PDE1C: variants seen among roughly 807,000 people sequenced by gnomAD.
PDE1C encodes the protein dual specificity calcium/calmodulin-dependent 3',5'-cyclic nucleotide phosphodiesterase 1C.
Under a neutral mutation model 93.1 loss-of-function variants are expected in PDE1C, and 62 were observed. That is an observed-to-expected ratio of 0.67 (90% CI 0.54 to 0.82). PDE1C has a LOEUF of 0.82. PDE1C is among the 40% of genes least tolerant of loss of function. The pLI is 0.00. For missense variants in PDE1C, 742 were observed against 884.6 expected (o/e 0.84, Z 2.04); for synonymous variants, 325 against 310.1 (o/e 1.05, Z -0.50).
chr7:31,787,149 T>C (rs979530258), intron 16 of PDE1C: 1 of 152,214 alleles, frequency 6.6e-6, no homozygotes, highest in Non-Finnish European at 1.5e-5. Flanking sequence ...TCTAAAGGCA[T>C]GGTTCCAAGT....
intron 1 of PDE1C, among the ~76,000 whole-genome samples, chr7:32,068,300 T>G (rs959057775): frequency 2.6e-5 from 4 of 152,210 alleles, no homozygotes; most frequent in Non-Finnish European, 5.9e-5. Flanking sequence ...TTATTCCAAG[T>G]TGTGGACTGC....
intron 2 of PDE1C, among the ~76,000 whole-genome samples, chr7:31,904,553 T>A (rs909837667): frequency 6.6e-6 from 1 of 151,960 alleles, no homozygotes; most frequent in Non-Finnish European, 1.5e-5. Flanking sequence ...AGTATTACTC[T>A]ACTGATCCCT....
At chr7:32,295,868 C>A in intron 1 of PDE1C, among the ~76,000 whole-genome samples, 1 of 136,878 alleles carries the variant, frequency 7.3e-6, no homozygotes, top group African/African-American at 2.8e-5. Context: ...CACTCCAGCC[C>A]GGGTGAGAGA....
the PDE1C span, among the ~76,000 whole-genome samples, chr7:31,671,662 C>T: frequency 6.6e-6 from 1 of 152,148 alleles, no homozygotes; most frequent in Non-Finnish European, 1.5e-5. Flanking sequence ...GGGACCCTGT[C>T]TCAGGCCCTC....
chr7:32,098,161 C>T (rs892412549), intron 3 of PDE1C, among the ~76,000 whole-genome samples: 2 of 134,134 alleles, frequency 1.5e-5, no homozygotes, highest in Non-Finnish European at 3.1e-5. Context: ...ACCCGGGAGG[C>T]GGAGCTTGCA....
At chr7:31,907,607 T>C (rs1043130631) in intron 2 of PDE1C, among the ~76,000 whole-genome samples, 2 of 152,202 alleles carry the variant, frequency 1.3e-5, no homozygotes, top group African/African-American at 4.8e-5. Flanking sequence ...ATTTCATTCT[T>C]TGTTGAAAGC....
intron 7 of PDE1C, among the ~76,000 whole-genome samples, chr7:31,859,167 CTA>C (rs1182053873): frequency 1.3e-5 from 2 of 148,684 alleles, no homozygotes; most frequent in Non-Finnish European, 3.0e-5. Context: ...TGACTATTGA[CTA>C]TGTACATTTA....
chr7:32,345,237 T>C (rs189604608), intron 1 of PDE1C, among the ~76,000 whole-genome samples: 2 of 152,314 alleles, frequency 1.3e-5, no homozygotes, highest in Non-Finnish European at 2.9e-5. Context: ...GCAATGCCCA[T>C]GAGCCCCTTC....
At chr7:32,105,701 C>CTTTTTTT (rs11313586) in intron 3 of PDE1C, among the ~76,000 whole-genome samples, 3 of 134,028 alleles carry the variant, frequency 2.2e-5, no homozygotes, top group African/African-American at 5.4e-5. Flanking sequence ...CCACATCTGA[C>CTTTTTTT]TTTTTTTTTT....
intron 1 of PDE1C, among the ~76,000 whole-genome samples, chr7:32,266,237 G>A (rs971156810): frequency 7.3e-5 from 11 of 151,360 alleles, no homozygotes; most frequent in Non-Finnish European, 1.2e-4. Flanking sequence ...AGCCGAGATC[G>A]CGCCACTGCA....
intron 1 of PDE1C, among the ~76,000 whole-genome samples, chr7:32,284,176 G>A (rs1426851735): frequency 6.6e-6 from 1 of 152,204 alleles, no homozygotes; most frequent in Admixed American, 6.5e-5. Flanking sequence ...CAGCAAGCCA[G>A]AGAATCAATT....
chr7:31,679,287 A>T, the PDE1C span, among the ~76,000 whole-genome samples: 1 of 152,164 alleles, frequency 6.6e-6, no homozygotes, highest in Non-Finnish European at 1.5e-5. Flanking sequence ...AAGGCAAGAG[A>T]GTTTCCCACT....
chr7:31,973,632 G>C (rs1402546001), intron 2 of PDE1C, among the ~76,000 whole-genome samples: 1 of 152,180 alleles, frequency 6.6e-6, no homozygotes, highest in African/African-American at 2.4e-5. Context: ...TTCCTATGAA[G>C]TAGTTATTAT....
chr7:32,206,574 A>G (rs1051944144), intron 2 of PDE1C, among the ~76,000 whole-genome samples: 9 of 152,248 alleles, frequency 5.9e-5, no homozygotes, highest in South Asian at 4.2e-4. Context: ...GCTCCTCACC[A>G]AGTTGAGGCC....
intron 2 of PDE1C, among the ~76,000 whole-genome samples, chr7:32,183,337 T>C (rs374170427): frequency 9.2e-5 from 14 of 152,196 alleles, no homozygotes; most frequent in South Asian, 4.1e-4. Context: ...GAGCCCGCAT[T>C]GCCAAGTCAA....
At chr7:31,970,331 AC>A (rs1464992709) in intron 2 of PDE1C, among the ~76,000 whole-genome samples, 1 of 152,144 alleles carries the variant, frequency 6.6e-6, no homozygotes, top group African/African-American at 2.4e-5. Context: ...CCCAATATCT[AC>A]TAAATTCTAA....
chr7:32,046,579 C>T (rs774708941), intron 2 of PDE1C, among the ~76,000 whole-genome samples: 10 of 152,056 alleles, frequency 6.6e-5, no homozygotes, highest in Non-Finnish European at 1.5e-4. Context: ...CCAGTATTTA[C>T]TGAACTATAT....
intron 2 of PDE1C, among the ~76,000 whole-genome samples, chr7:31,902,550 T>A (rs1462865776): frequency 6.6e-6 from 1 of 151,864 alleles, no homozygotes; most frequent in Non-Finnish European, 1.5e-5. Context: ...TCCTTTGATT[T>A]AAAAATTTCT....
exon 1 of PDE1C, chr7:32,299,134 T>C (rs172556): frequency 1 from 1,013,545 of 1,016,522 alleles, 505,354 homozygotes; most frequent in East Asian, 1. Flanking sequence ...GTCTGTTTTC[T>C]ACTTCACCTT....
Sources: allele counts gnomAD v4.1 joint callset (sites outside exome capture counted in the v4.1 genomes callset), GRCh38; gene constraint gnomAD v4.1.1; transcripts MANE v1.5; gene names NCBI Gene and HGNC (gene_info 2026-07-23, HGNC 2026-07-21).